Variants in CACNA1C observed in about 807,000 individuals in gnomAD.
The protein encoded by CACNA1C is calcium voltage-gated channel subunit alpha1 C, also known as voltage-dependent L-type calcium channel subunit alpha-1C.
Under a neutral mutation model 229.0 loss-of-function variants are expected in CACNA1C, and 30 were observed. The ratio of observed to expected loss-of-function variants is 0.13; its 90% confidence interval spans 0.10 to 0.18. The LOEUF is 0.18. Ranked by LOEUF, CACNA1C falls within the 10% of genes least tolerant of loss-of-function variation. The probability of loss-of-function intolerance (pLI) is 1.00; values close to 1 mark genes in which losing one functional copy is unlikely to be tolerated. For missense variants in CACNA1C, 1,658 were observed against 2,845.0 expected (o/e 0.58, Z 9.49); for synonymous variants, 1,114 against 1,132.5 (o/e 0.98, Z 0.33).
At chr12:2,050,983 C>A (rs2052062207), upstream of CACNA1C, among the ~76,000 whole-genome samples, 1 of 152,124 alleles carries the variant, frequency 6.6e-6, no homozygotes, top group East Asian at 1.9e-4. Flanking sequence ...AGATGAGACA[C>A]CTGCCTTCAT....
chr12:2,586,379 T>C (rs1294125687), intron 18 of CACNA1C, among the ~76,000 whole-genome samples: 1 of 152,216 alleles, frequency 6.6e-6, no homozygotes, highest in East Asian at 1.9e-4. Context: ...GGTCTCATTA[T>C]AAAAGGCGCG....
chr12:2,645,110 G>C (rs937071389), intron 30 of CACNA1C, among the ~76,000 whole-genome samples: 5 of 152,192 alleles, frequency 3.3e-5, no homozygotes, highest in African/African-American at 1.2e-4. Flanking sequence ...AAGGATGAAA[G>C]AATTGGCTGC....
At chr12:2,396,758 T>G (rs1320952187) in intron 3 of CACNA1C, among the ~76,000 whole-genome samples, 1 of 152,242 alleles carries the variant, frequency 6.6e-6, no homozygotes, top group Non-Finnish European at 1.5e-5. Context: ...ATTTAATGTT[T>G]CATTAGCGGT....
intron 3 of CACNA1C, among the ~76,000 whole-genome samples, chr12:2,384,952 G>C (rs148985336): frequency 6.6e-6 from 1 of 152,328 alleles, no homozygotes; most frequent in African/African-American, 2.4e-5. Context: ...TCTGGAAAGG[G>C]GCTGGGAGTG....
Position 2,691,216 on chromosome 12 carries a change from C to A in CACNA1C, c.*17C>A, listed in dbSNP as rs1487824596. 1 of 1,520,810 alleles carries A rather than the reference C, an allele frequency of 6.6e-7. No individual in the cohort carries two copies. Among genetic ancestry groups the A allele is most frequent in the Non-Finnish European group, 8.8e-7 (1 of 1,136,632 alleles). 94.2% of individuals were successfully genotyped at this position (1,520,810 alleles called of 1,614,324 possible). A position where few individuals can be genotyped will look rare whatever the true frequency, so the allele number is the denominator to read the frequency against. ...AGCCTGTAGTGGGCGCTGCCAGATG[C>A]GGGCTTTTTTTTATTTGTTTCAATG... On this transcript the variant is annotated 3_prime_UTR_variant, in exon 47 of 47. Transcript: ENST00000399655.
intron 3 of CACNA1C, among the ~76,000 whole-genome samples, chr12:2,398,273 T>G (rs558105160): frequency 3.3e-4 from 50 of 152,232 alleles, no homozygotes; most frequent in Non-Finnish European, 5.9e-4. Flanking sequence ...CCCTCACACC[T>G]TCTTTGAGCT....
intron 9 of CACNA1C, among the ~76,000 whole-genome samples, chr12:2,522,366 A>G (rs920230514): frequency 1.4e-4 from 22 of 152,230 alleles, no homozygotes; most frequent in Admixed American, 1.2e-3. Flanking sequence ...ATTGAATTGA[A>G]TTCTCTTCGG....
At chr12:2,180,375 C>T (rs2096798473) in intron 3 of CACNA1C, among the ~76,000 whole-genome samples, 1 of 152,246 alleles carries the variant, frequency 6.6e-6, no homozygotes, top group African/African-American at 2.4e-5. Context: ...CCAGCAGGGC[C>T]TGAGTGCTGG....
chr12:2,552,036 C>T (rs2041549724), intron 10 of CACNA1C, among the ~76,000 whole-genome samples: 1 of 152,170 alleles, frequency 6.6e-6, no homozygotes, highest in Admixed American at 6.5e-5. Context: ...AAGTGGAAAA[C>T]AAGACCAAGG....
intron 7 of CACNA1C, among the ~76,000 whole-genome samples, chr12:2,500,438 T>C (rs950294223): frequency 6.6e-6 from 1 of 151,960 alleles, no homozygotes; most frequent in Non-Finnish European, 1.5e-5. Flanking sequence ...TTCTGTGAGG[T>C]TAAATGTTCA....
At position 2,528,838 on chromosome 12, in the gene CACNA1C, A is replaced by T. The variant is rs1184767380; in HGVS notation, c.1390+15854A>T. Among the ~76,000 whole-genome samples the T allele has an allele frequency of 2.0e-5, 3 of 152,184 alleles. No homozygotes were observed. The East Asian group carries it at 5.8e-4, about 29-fold the overall frequency. ...GTCAAGCTTCACAGCTCTTCCTGGGATTCAAGTTCACAAAATGGCATCGTT... is the reference window on the plus strand; with the variant it reads ...GTCAAGCTTCACAGCTCTTCCTGGGTTTCAAGTTCACAAAATGGCATCGTT... On this transcript the variant is annotated intron_variant, in intron 9 of 46. Coordinates refer to ENST00000399655, the MANE Select transcript of CACNA1C (RefSeq NM_000719.7).
chr12:2,518,379 C>T (rs1192725437), intron 9 of CACNA1C, among the ~76,000 whole-genome samples: 3 of 152,184 alleles, frequency 2.0e-5, no homozygotes, highest in African/African-American at 2.4e-5. Context: ...GAGGCCGAGG[C>T]GGGTGGATCA....
intron 1 of CACNA1C, among the ~76,000 whole-genome samples, chr12:2,075,505 G>A (rs944169992): frequency 6.6e-6 from 1 of 152,182 alleles, no homozygotes; most frequent in South Asian, 2.1e-4. Context: ...TGGGAGAGCT[G>A]GAATTTGAAC....
At position 2,585,423 on chromosome 12, in the gene CACNA1C, T is replaced by G. The variant is rs1277492029; in HGVS notation, c.2387T>G (p.Val796Gly). 3 of 1,610,308 alleles carry G rather than the reference T, an allele frequency of 1.9e-6. No homozygotes were observed. In the Admixed American group the frequency reaches 5.0e-5, roughly 27 times the overall value. Reference protein sequence around the residue: ...KKQELVEKPAVGESKEEKIEL... With the variant: ...KKQELVEKPAGGESKEEKIEL... The stretch of plus-strand genomic sequence containing the variant: ...CAAGAGTTGGTGGAGAAGCCGGCAG[T>G]GGGGGAATCCAAGGAGGAGAAGATT... Residue 796 changes from valine to glycine, a missense_variant, in exon 17 of 47, where the codon GTG becomes GGG. This residue lies in a region of CACNA1C where 121 missense variants were observed against 128.8 expected (regional missense o/e 0.94). Coordinates refer to ENST00000399655, the MANE Select transcript of CACNA1C (RefSeq NM_000719.7). The surrounding 1 kb of genome is among the most constrained non-coding windows in gnomAD (Gnocchi z 4.1).
At chr12:2,527,841 C>A (rs954661868) in intron 9 of CACNA1C, among the ~76,000 whole-genome samples, 8 of 152,134 alleles carry the variant, frequency 5.3e-5, no homozygotes, top group Non-Finnish European at 8.8e-5. Context: ...CCTTGGACCA[C>A]TTCTGCATTG....
intron 3 of CACNA1C, among the ~76,000 whole-genome samples, chr12:2,340,447 G>A (rs1221617499): frequency 3.3e-5 from 5 of 152,200 alleles, no homozygotes; most frequent in Non-Finnish European, 7.3e-5. Context: ...ATGGGACATA[G>A]CATTGGGAAA....
At chr12:2,280,177 T>G (rs375968454) in intron 3 of CACNA1C, among the ~76,000 whole-genome samples, 16 of 146,750 alleles carry the variant, frequency 1.1e-4, no homozygotes, top group East Asian at 2.0e-4. Context: ...AACCTCTTGA[T>G]ACTTTGCTGT....
chr12:2,544,354 T>C (rs530889498), intron 9 of CACNA1C, among the ~76,000 whole-genome samples: 86 of 152,294 alleles, frequency 5.6e-4, no homozygotes, highest in African/African-American at 1.9e-3. Flanking sequence ...GGATGAAATA[T>C]AGAAAAACCT....
intron 1 of CACNA1C, among the ~76,000 whole-genome samples, chr12:1,988,676 G>A (rs151182648): frequency 6.6e-6 from 1 of 152,234 alleles, no homozygotes; most frequent in East Asian, 1.9e-4. Context: ...AACTAGGAGT[G>A]TGCTCACTCT....
Sources: allele counts gnomAD v4.1 joint callset (sites outside exome capture counted in the v4.1 genomes callset), GRCh38; gene constraint gnomAD v4.1.1; regional missense constraint gnomAD v4.1.1; non-coding constraint Gnocchi (gnomAD v3.1); transcripts MANE v1.5; gene names NCBI Gene and HGNC (gene_info 2026-07-23, HGNC 2026-07-21).